Variants in SUPT3H observed in about 807,000 individuals in gnomAD.
SUPT3H encodes transcription initiation protein SPT3 homolog.
Under a neutral mutation model 44.3 loss-of-function variants are expected in SUPT3H, and 44 were observed. The observed-to-expected ratio is 0.99, with a 90% CI of 0.78 to 1.28. The LOEUF is 1.28. Ranked by LOEUF, SUPT3H falls within the 50% of genes most tolerant of loss-of-function variation. SUPT3H has a pLI of 0.00. For synonymous variants in SUPT3H, 124 were observed against 125.6 expected (o/e 0.99, Z 0.09); for missense variants, 380 against 387.1 (o/e 0.98, Z 0.15).
intron 10 of SUPT3H, among the ~76,000 whole-genome samples, chr6:44,913,683 G>A (rs1324529083): frequency 6.6e-6 from 1 of 152,018 alleles, no homozygotes; most frequent in South Asian, 2.1e-4. Flanking sequence ...ACTAACAAAA[G>A]CACTTTTATC....
At chr6:45,372,353 T>A (rs928192774) in intron 1 of SUPT3H, among the ~76,000 whole-genome samples, 1 of 152,208 alleles carries the variant, frequency 6.6e-6, no homozygotes, top group South Asian at 2.1e-4. Flanking sequence ...GATTAACTCA[T>A]GCAAAAGCAT....
intron 2 of SUPT3H, among the ~76,000 whole-genome samples, chr6:45,270,040 G>A (rs922659541): frequency 3.3e-5 from 5 of 152,188 alleles, no homozygotes; most frequent in African/African-American, 9.6e-5. Context: ...CATGCAATAC[G>A]TGGTATTTAT....
intron 3 of SUPT3H, among the ~76,000 whole-genome samples, chr6:45,040,138 T>C (rs2153529213): frequency 6.6e-6 from 1 of 152,282 alleles, no homozygotes; most frequent in East Asian, 1.9e-4. Context: ...TGCTGTTTCA[T>C]CTATTCAACC....
intron 10 of SUPT3H, among the ~76,000 whole-genome samples, chr6:44,868,738 A>G (rs1411393469): frequency 6.6e-6 from 1 of 152,140 alleles, no homozygotes; most frequent in Non-Finnish European, 1.5e-5. Context: ...CATCACAGCA[A>G]CTACTTCCTG....
chr6:45,006,610 T>C (rs1782756631), intron 5 of SUPT3H, among the ~76,000 whole-genome samples: 1 of 152,126 alleles, frequency 6.6e-6, no homozygotes, highest in Non-Finnish European at 1.5e-5. Flanking sequence ...AGAGGTAACA[T>C]TTTCCCAATC....
At chr6:45,371,602 A>G (rs2150311535) in intron 1 of SUPT3H, among the ~76,000 whole-genome samples, 1 of 152,316 alleles carries the variant, frequency 6.6e-6, no homozygotes, top group Non-Finnish European at 1.5e-5. Context: ...TTCATTAGTA[A>G]AAGATCTCTA....
chr6:45,124,274 A>AC (rs1554256551), intron 2 of SUPT3H, among the ~76,000 whole-genome samples: 77 of 152,144 alleles, frequency 5.1e-4, no homozygotes, highest in Middle Eastern at 6.8e-3. Context: ...TTAAAAAAAA[A>AC]CACTAATTTG....
chr6:45,359,325 C>A (rs1793820755), intron 2 of SUPT3H, among the ~76,000 whole-genome samples: 1 of 152,092 alleles, frequency 6.6e-6, no homozygotes, highest in Admixed American at 6.6e-5. Flanking sequence ...TGCTTTTATA[C>A]ATAATATCAC....
intron 10 of SUPT3H, among the ~76,000 whole-genome samples, chr6:44,898,480 T>C (rs1764447668): frequency 6.6e-6 from 1 of 152,204 alleles, no homozygotes; most frequent in Non-Finnish European, 1.5e-5. Flanking sequence ...AGTGAACAGC[T>C]GGCTGACATC....
intron 2 of SUPT3H, among the ~76,000 whole-genome samples, chr6:45,128,503 CAAAAAAAAAAAA>C (rs1168489460): frequency 3.2e-3 from 40 of 12,444 alleles, no homozygotes; most frequent in Admixed American, 5.0e-3. Context: ...GACTCTGTCT[CAAAAAAAAAAAA>C]AAAAAAAAAA....
rs1767894747 is a variant in SUPT3H, at chr6:44,827,495, T to G, written c.*2321A>C. On this transcript the variant is annotated 3_prime_UTR_variant, in exon 11 of 11. Coordinates refer to ENST00000371459, the MANE Select transcript of SUPT3H (RefSeq NM_003599.4). ...GATCTTAGGAAACTCACTTTCCCTCTCTAGGCCATGGTTTTTTCATTTGCA... is the reference window on the plus strand; with the variant it reads ...GATCTTAGGAAACTCACTTTCCCTCGCTAGGCCATGGTTTTTTCATTTGCA... Among the ~76,000 whole-genome samples, 3 of 152,196 alleles carry G rather than the reference T, an allele frequency of 2.0e-5. No homozygotes were observed. Among genetic ancestry groups the G allele is most frequent in the Middle Eastern group, 6.8e-3 (2 of 294 alleles).
At chr6:45,025,755 C>A (rs144916567) in intron 3 of SUPT3H, among the ~76,000 whole-genome samples, 4 of 151,888 alleles carry the variant, frequency 2.6e-5, no homozygotes, top group African/African-American at 9.7e-5. Context: ...TGGTGGTGGG[C>A]GCCTGTAGTC....
At chr6:45,357,439 T>C (rs1176262894) in intron 2 of SUPT3H, among the ~76,000 whole-genome samples, 1 of 143,232 alleles carries the variant, frequency 7.0e-6, no homozygotes, top group Non-Finnish European at 1.6e-5. Context: ...CAAGTGATCC[T>C]CCTGCCTCAG....
chr6:45,219,108 G>C (rs897638336), intron 2 of SUPT3H, among the ~76,000 whole-genome samples: 2 of 151,690 alleles, frequency 1.3e-5, no homozygotes, highest in Non-Finnish European at 2.9e-5. Context: ...CTAAAATCAA[G>C]AGGAAAAAGA....
At chr6:45,226,621 C>A (rs1238685131) in intron 2 of SUPT3H, among the ~76,000 whole-genome samples, 3 of 152,114 alleles carry the variant, frequency 2.0e-5, no homozygotes, top group Non-Finnish European at 4.4e-5. Flanking sequence ...CTCACTGCAA[C>A]CTCCGCATCC....
At chr6:45,118,492 A>G (rs555116165) in intron 2 of SUPT3H, among the ~76,000 whole-genome samples, 45 of 152,282 alleles carry the variant, frequency 3.0e-4, no homozygotes, top group African/African-American at 9.6e-4. Flanking sequence ...AGTCTTTGAC[A>G]TCTGGCTTCT....
chr6:45,226,349 G>A (rs1172668612), intron 2 of SUPT3H, among the ~76,000 whole-genome samples: 1 of 152,098 alleles, frequency 6.6e-6, no homozygotes, highest in African/African-American at 2.4e-5. Context: ...GTGTGTGTGT[G>A]TGTATAACGT....
chr6:44,968,401 T>C (rs765711684), intron 6 of SUPT3H, among the ~76,000 whole-genome samples: 2 of 152,104 alleles, frequency 1.3e-5, no homozygotes, highest in East Asian at 1.9e-4. Flanking sequence ...GAAGAAACCA[T>C]ATCTCTAACT....
intron 10 of SUPT3H, among the ~76,000 whole-genome samples, chr6:44,904,967 A>G (rs529681969): frequency 6.6e-6 from 1 of 152,372 alleles, no homozygotes; most frequent in East Asian, 1.9e-4. Context: ...GGCTGGCCAT[A>G]TGTAGAAAGC....
Sources: gnomAD v4.1 joint callset for allele counts (sites outside exome capture counted in the v4.1 genomes callset) on GRCh38, gnomAD v4.1.1 for gene constraint, MANE v1.5 for transcripts, NCBI Gene and HGNC (gene_info 2026-07-23, HGNC 2026-07-21) for gene names.